CNTN4: variants seen among roughly 807,000 people sequenced by gnomAD.
The protein encoded by CNTN4 is contactin-4.
In CNTN4, 77 loss-of-function variants were observed where a neutral mutation model predicts 122.5. The ratio of observed to expected loss-of-function variants is 0.63; its 90% confidence interval spans 0.52 to 0.76. CNTN4 has a LOEUF of 0.76. Ranked by LOEUF, CNTN4 falls within the 30% of genes least tolerant of loss-of-function variation. The probability of loss-of-function intolerance (pLI) is 0.00; values close to 1 mark genes in which losing one functional copy is unlikely to be tolerated. For synonymous variants in CNTN4, 512 were observed against 447.0 expected, an observed-to-expected ratio of 1.15 and a Z score of -1.83; for missense variants, 1,256 against 1,259.1, an observed-to-expected ratio of 1.00 and a Z score of 0.04.
intron 3 of CNTN4, among the ~76,000 whole-genome samples, chr3:2,533,294 C>T (rs1378927637): frequency 1.3e-5 from 2 of 151,992 alleles, no homozygotes; most frequent in Non-Finnish European, 2.9e-5. Context: ...TCCCTCCACC[C>T]CACAACAGGC....
At chr3:3,051,154 A>G (rs1034586635) in intron 23 of CNTN4, among the ~76,000 whole-genome samples, 2 of 152,230 alleles carry the variant, frequency 1.3e-5, no homozygotes, top group Non-Finnish European at 1.5e-5. Flanking sequence ...CAGGGAAGCC[A>G]AAAGATTGGA....
chr3:2,606,267 C>T (rs1392804573), intron 4 of CNTN4, among the ~76,000 whole-genome samples: 3 of 151,936 alleles, frequency 2.0e-5, no homozygotes, highest in Non-Finnish European at 2.9e-5. Context: ...AGGTTTCAAA[C>T]GGAGAACAAT....
At chr3:2,354,486 G>C (rs563276234) in intron 3 of CNTN4, among the ~76,000 whole-genome samples, 2 of 152,130 alleles carry the variant, frequency 1.3e-5, no homozygotes, top group African/African-American at 2.4e-5. Flanking sequence ...AGCCCAGATC[G>C]CACCACTGCA....
At chr3:2,767,480 A>C (rs1340367247) in intron 6 of CNTN4, among the ~76,000 whole-genome samples, 3 of 152,154 alleles carry the variant, frequency 2.0e-5, no homozygotes, top group African/African-American at 7.2e-5. Context: ...CTGAAAAAGG[A>C]AGTTTATATA....
At chr3:2,942,009 T>C (rs2094620997) in intron 13 of CNTN4, among the ~76,000 whole-genome samples, 1 of 152,234 alleles carries the variant, frequency 6.6e-6, no homozygotes, top group African/African-American at 2.4e-5. Context: ...TGTAATTCCA[T>C]ATTTATGTTT....
chr3:2,735,420 A>G (rs1011420855), intron 4 of CNTN4, among the ~76,000 whole-genome samples: 9 of 152,252 alleles, frequency 5.9e-5, no homozygotes, highest in African/African-American at 1.7e-4. Context: ...TCCGTGACAA[A>G]ATAAGTCTCA....
intron 2 of CNTN4, among the ~76,000 whole-genome samples, chr3:2,184,135 C>A: frequency 6.6e-6 from 1 of 152,034 alleles, no homozygotes; most frequent in Middle Eastern, 3.2e-3. Context: ...TCACACGTGG[C>A]TAATTTTTAT....
chr3:2,293,146 T>G (rs1016475738), intron 2 of CNTN4, among the ~76,000 whole-genome samples: 2 of 152,238 alleles, frequency 1.3e-5, no homozygotes, highest in African/African-American at 2.4e-5. Flanking sequence ...GGACTGTTGA[T>G]TGCAGATACC....
At chr3:2,356,632 A>G (rs896217604) in intron 3 of CNTN4, among the ~76,000 whole-genome samples, 1 of 152,046 alleles carries the variant, frequency 6.6e-6, no homozygotes, top group Non-Finnish European at 1.5e-5. Context: ...TCTTATGCCA[A>G]CCTCCTATCT....
At chr3:2,505,464 C>G (rs947601955) in intron 3 of CNTN4, among the ~76,000 whole-genome samples, 2 of 152,126 alleles carry the variant, frequency 1.3e-5, no homozygotes, top group Non-Finnish European at 2.9e-5. Context: ...AACTTAATTA[C>G]ATTTTATGTG....
Position 2,170,215 on chromosome 3 carries a change from G to C in CNTN4, c.-145+69576G>C, listed in dbSNP as rs376839885. Among the ~76,000 whole-genome samples the C allele has an allele frequency of 9.1e-3, 1,380 of 151,886 alleles. 11 individuals carry two copies. Among genetic ancestry groups the C allele is most frequent in the Middle Eastern group, 0.034 (10 of 294 alleles). ...GGCGCCTGTAGTCCCAGCTACTCGG[G>C]AGGCTGAGGCGGGAGAATGGCGGGA... is the stretch of plus-strand genomic sequence containing the variant. On this transcript the variant is annotated intron_variant, in intron 2 of 24. Transcript: ENST00000418658.
At chr3:2,705,792 ATATT>A (rs1195383259) in intron 4 of CNTN4, among the ~76,000 whole-genome samples, 3 of 104,918 alleles carry the variant, frequency 2.9e-5, no homozygotes, top group African/African-American at 8.0e-5. Context: ...TACATAATAT[ATATT>A]TGTTATATAT....
At chr3:2,887,752 T>A (rs913277563) in intron 10 of CNTN4, among the ~76,000 whole-genome samples, 2 of 152,182 alleles carry the variant, frequency 1.3e-5, no homozygotes, top group African/African-American at 2.4e-5. Flanking sequence ...CCAAAGACTT[T>A]TTATGTGCAG....
intron 3 of CNTN4, among the ~76,000 whole-genome samples, chr3:2,540,998 A>G (rs2078009519): frequency 6.6e-6 from 1 of 152,132 alleles, no homozygotes; most frequent in African/African-American, 2.4e-5. Context: ...ATATGAGTAA[A>G]CGGAGGGTTA....
chr3:2,139,946 G>A (rs1427723583), intron 2 of CNTN4, among the ~76,000 whole-genome samples: 3 of 152,182 alleles, frequency 2.0e-5, no homozygotes, highest in Non-Finnish European at 4.4e-5. Context: ...ATTCCCACCT[G>A]TCATGGGGGG....
intron 7 of CNTN4, among the ~76,000 whole-genome samples, chr3:2,851,848 A>G (rs1386026777): frequency 6.6e-6 from 1 of 152,246 alleles, no homozygotes; most frequent in Non-Finnish European, 1.5e-5. Flanking sequence ...TACTAACTAA[A>G]AAGAAGAAGA....
chr3:2,514,201 G>C (rs2076975520), intron 3 of CNTN4, among the ~76,000 whole-genome samples: 1 of 152,162 alleles, frequency 6.6e-6, no homozygotes. Context: ...TAAGCACAAA[G>C]AGGACTTTAT....
chr3:2,434,741 G>A (rs2048198588), intron 3 of CNTN4, among the ~76,000 whole-genome samples: 2 of 152,112 alleles, frequency 1.3e-5, no homozygotes, highest in African/African-American at 4.8e-5. Flanking sequence ...CCACACCTTG[G>A]AGCCGTTTTT....
intron 6 of CNTN4, among the ~76,000 whole-genome samples, chr3:2,749,088 C>T (rs901057011): frequency 1.3e-5 from 2 of 152,180 alleles, no homozygotes; most frequent in Non-Finnish European, 1.5e-5. Context: ...TCCATCATTT[C>T]TCCTCCTCTC....
Sources: gnomAD v4.1 joint callset for allele counts (sites outside exome capture counted in the v4.1 genomes callset) on GRCh38, gnomAD v4.1.1 for gene constraint, MANE v1.5 for transcripts, NCBI Gene and HGNC (gene_info 2026-07-23, HGNC 2026-07-21) for gene names.